The following LCMT1 variants were observed in gnomAD, a reference collection of about 807,000 sequenced individuals.
LCMT1 encodes leucine carboxyl methyltransferase 1.
LCMT1 carries 32 observed loss-of-function variants against 47.7 expected under a neutral mutation model. That is an observed-to-expected ratio of 0.67 (90% CI 0.51 to 0.90). The LOEUF (loss-of-function observed/expected upper bound fraction) is 0.90. LCMT1 is among the 40% of genes least tolerant of loss of function. The probability of loss-of-function intolerance (pLI) is 0.00; values close to 1 mark genes in which losing one functional copy is unlikely to be tolerated. For synonymous variants in LCMT1, 152 were observed against 149.7 expected (o/e 1.02, Z -0.11); for missense variants, 375 against 415.2 (o/e 0.90, Z 0.84).
intron 1 of LCMT1, among the ~76,000 whole-genome samples, chr16:25,125,148 A>G (rs1960123280): frequency 6.6e-6 from 1 of 152,254 alleles, no homozygotes; most frequent in African/African-American, 2.4e-5. Flanking sequence ...TGTAATGGAA[A>G]TTGACAGGCA....
Position 25,111,822 on chromosome 16 carries a change from G to A in LCMT1, c.-62G>A, listed in dbSNP as rs1014690597. 2 of 1,121,334 alleles carry A rather than the reference G, an allele frequency of 1.8e-6. No homozygotes were observed. The highest frequency in any genetic ancestry group is 2.6e-6 in the Non-Finnish European group (2 of 770,032). The allele number at this position is 1,121,334 out of a possible 1,614,324, so 69.5% of individuals were successfully genotyped here. ...CTCCCTGTGGCTCGCGCCGTCCCCCGCCGCCCGTCGACCCCGCTTCCATGT... is the reference window on the plus strand; with the variant it reads ...CTCCCTGTGGCTCGCGCCGTCCCCCACCGCCCGTCGACCCCGCTTCCATGT... On this transcript the variant is annotated 5_prime_UTR_variant, in exon 1 of 11. Transcript: ENST00000399069.
intron 5 of LCMT1, among the ~76,000 whole-genome samples, chr16:25,156,121 T>C (rs1326831980): frequency 2.6e-5 from 4 of 152,166 alleles, no homozygotes; most frequent in Non-Finnish European, 5.9e-5. Context: ...TCTCATCTGC[T>C]CAGCTGCCGC....
intron 5 of LCMT1, among the ~76,000 whole-genome samples, chr16:25,152,668 C>T (rs563377321): frequency 5.3e-5 from 8 of 152,216 alleles, no homozygotes; most frequent in South Asian, 2.1e-4. Flanking sequence ...AATATTACCA[C>T]GATTTCTACA....
chr16:25,169,446 A>C (rs1031994098), intron 8 of LCMT1: 2 of 391,172 alleles, frequency 5.1e-6, no homozygotes, highest in Non-Finnish European at 9.4e-6. Context: ...CAAATTTTCA[A>C]ACAAACATAA....
chr16:25,164,851 C>A, intron 7 of LCMT1, 133 bp downstream of exon 7: 3 of 1,199,260 alleles, frequency 2.5e-6, no homozygotes, highest in Admixed American at 1.9e-5. Flanking sequence ...CCTTTATTCA[C>A]CAACCAGCAA....
At chr16:25,139,000 C>T (rs140480937) in intron 3 of LCMT1, among the ~76,000 whole-genome samples, 2 of 151,986 alleles carry the variant, frequency 1.3e-5, no homozygotes, top group Non-Finnish European at 2.9e-5. Context: ...AGTGCAGCAG[C>T]GCGATCTCAG....
At chr16:25,157,239 T>A (rs570494661) in intron 5 of LCMT1, among the ~76,000 whole-genome samples, 1 of 152,188 alleles carries the variant, frequency 6.6e-6, no homozygotes, top group Non-Finnish European at 1.5e-5. Flanking sequence ...CCTCATGACC[T>A]AATCACCTCT....
chr16:25,153,810 G>T (rs1176331650), intron 5 of LCMT1, among the ~76,000 whole-genome samples: 2 of 151,706 alleles, frequency 1.3e-5, no homozygotes, highest in African/African-American at 4.8e-5. Flanking sequence ...AAAATTAGCT[G>T]GGTGTGGTGG....
intron 1 of LCMT1, among the ~76,000 whole-genome samples, chr16:25,123,956 C>T (rs563863541): frequency 6.6e-6 from 1 of 152,156 alleles, no homozygotes; most frequent in Admixed American, 6.6e-5. Flanking sequence ...TGTTGACTTC[C>T]AAAGGTTTTT....
intron 2 of LCMT1, 95 bp from the exon 3 acceptor site, chr16:25,132,305 GCT>G: frequency 7.0e-7 from 1 of 1,419,406 alleles, no homozygotes; most frequent in Non-Finnish European, 9.7e-7. Context: ...AAGGGCGCAT[GCT>G]CTCTGTTTTG....
At chr16:25,155,700 G>T (rs1356317848) in intron 5 of LCMT1, among the ~76,000 whole-genome samples, 1 of 147,254 alleles carries the variant, frequency 6.8e-6, no homozygotes, top group African/African-American at 2.5e-5. Context: ...TTGAGACAAG[G>T]TCTCACTCTG....
At position 25,128,422 on chromosome 16, in the gene LCMT1, G is replaced by C. The variant is rs923569311; in HGVS notation, c.114-53G>C. On this transcript the variant is annotated intron_variant, in intron 1 of 10. Transcript: ENST00000399069. The stretch of plus-strand genomic sequence containing the variant: ...TCCTGGGAACTTGGCAGTGGACCTT[G>C]GTCTGAACCTACTCAATCTCTACTC... 49 of 1,352,946 alleles carry C rather than the reference G, an allele frequency of 3.6e-5. No homozygotes were observed. The South Asian group carries it at 6.0e-4, about 16-fold the overall frequency. The allele number at this position is 1,352,946 out of a possible 1,614,324, so 83.8% of individuals were successfully genotyped here.
intron 6 of LCMT1, among the ~76,000 whole-genome samples, chr16:25,161,805 G>T (rs1317526507): frequency 6.8e-6 from 1 of 148,130 alleles, no homozygotes; most frequent in African/African-American, 2.5e-5. Context: ...AATATATAAA[G>T]AACAGCTACT....
intron 5 of LCMT1, among the ~76,000 whole-genome samples, chr16:25,155,878 C>T (rs369932830): frequency 5.3e-5 from 8 of 152,156 alleles, no homozygotes; most frequent in Middle Eastern, 3.4e-3. Flanking sequence ...GACAGGGTCT[C>T]GCTATGTTGC....
At chr16:25,140,462 A>G (rs182340955) in intron 4 of LCMT1, 45 of 524,490 alleles carry the variant, frequency 8.6e-5, no homozygotes, top group Admixed American at 7.3e-4. Context: ...CACAGGCTCT[A>G]TGGCTCCCCA....
Position 25,174,926 on chromosome 16 carries a change from T to A in LCMT1, c.885-11T>A. ...GACACTTGCATCGTTCTATTTTAAT[T>A]CTTTCCACAGGATAGAATCACTTGA... is the stretch of plus-strand genomic sequence containing the variant. On this transcript the variant is annotated splice_polypyrimidine_tract_variant and intron_variant, in intron 9 of 10. Coordinates refer to ENST00000399069, the MANE Select transcript of LCMT1 (RefSeq NM_016309.3). The A allele has an allele frequency of 6.7e-7, 1 of 1,502,386 alleles. No homozygotes were observed. The highest frequency in any genetic ancestry group is 1.2e-5 in the South Asian group (1 of 84,184). 93.1% of individuals were successfully genotyped at this position (1,502,386 alleles called of 1,614,324 possible). A position where few individuals can be genotyped will look rare whatever the true frequency, so the allele number is the denominator to read the frequency against.
At chr16:25,157,600 T>G (rs1270236990) in intron 5 of LCMT1, among the ~76,000 whole-genome samples, 1 of 152,160 alleles carries the variant, frequency 6.6e-6, no homozygotes, top group African/African-American at 2.4e-5. Context: ...GTATATAAAC[T>G]TAATGAGGCA....
At chr16:25,136,804 G>T (rs1960518967) in intron 3 of LCMT1, among the ~76,000 whole-genome samples, 1 of 152,126 alleles carries the variant, frequency 6.6e-6, no homozygotes, top group South Asian at 2.1e-4. Context: ...CTCCTAAAGT[G>T]CAGGGATTAC....
intron 3 of LCMT1, 127 bp downstream of exon 3, chr16:25,132,650 A>G: frequency 1.1e-6 from 1 of 932,478 alleles, no homozygotes; most frequent in Non-Finnish European, 1.6e-6. Context: ...CCCCTGTCCC[A>G]TCTGCCTAGA....
Sources: allele counts gnomAD v4.1 joint callset (sites outside exome capture counted in the v4.1 genomes callset), GRCh38; gene constraint gnomAD v4.1.1; transcripts MANE v1.5; gene names NCBI Gene and HGNC (gene_info 2026-07-23, HGNC 2026-07-21).